COL4A5: variants seen among roughly 807,000 people sequenced by gnomAD.
COL4A5 encodes collagen type IV alpha 5 chain, also known as collagen alpha-5(IV) chain.
In COL4A5, 26 loss-of-function variants were observed where a neutral mutation model predicts 130.2. That is an observed-to-expected ratio of 0.20 (90% confidence interval 0.15 to 0.28). COL4A5 has a LOEUF of 0.28. COL4A5 is among the 10% of genes least tolerant of loss of function. The probability of loss-of-function intolerance (pLI) is 1.00; values close to 1 mark genes in which losing one functional copy is unlikely to be tolerated. For synonymous variants in COL4A5, 496 were observed against 439.6 expected, an observed-to-expected ratio of 1.13 and a Z score of -1.60; for missense variants, 1,131 against 1,344.3, an observed-to-expected ratio of 0.84 and a Z score of 2.48.
intron 24 of COL4A5, among the ~76,000 whole-genome samples, chrX:108,598,261 G>T (rs2066557145): frequency 9.0e-6 from 1 of 111,469 alleles, no homozygotes; most frequent in Admixed American, 9.5e-5. Context: ...TATATATATA[G>T]TAAGCTTAGA....
At chrX:108,631,703 A>C (rs1377864196) in intron 36 of COL4A5, among the ~76,000 whole-genome samples, 1 of 111,786 alleles carries the variant, frequency 8.9e-6, no homozygotes, top group Non-Finnish European at 1.9e-5. Flanking sequence ...GACTACATGG[A>C]AACTGAACAA....
chrX:108,517,442 T>G (rs2065230062), intron 1 of COL4A5, among the ~76,000 whole-genome samples: 1 of 111,967 alleles, frequency 8.9e-6, no homozygotes, highest in Non-Finnish European at 1.9e-5. Flanking sequence ...AATCCATTAC[T>G]CATTTGAGTT....
chrX:108,643,910 A>C, intron 36 of COL4A5, among the ~76,000 whole-genome samples: 1 of 112,086 alleles, frequency 8.9e-6, no homozygotes, highest in African/African-American at 3.2e-5. Flanking sequence ...ATTGAGTGTA[A>C]ATGGCCTAAA....
At chrX:108,467,792 T>C (rs2064722063) in intron 1 of COL4A5, among the ~76,000 whole-genome samples, 1 of 112,007 alleles carries the variant, frequency 8.9e-6, no homozygotes, top group Non-Finnish European at 1.9e-5. Flanking sequence ...TAATTTCCTT[T>C]GTAGATTGTT....
At chrX:108,587,655 C>T (rs1020366420) in intron 19 of COL4A5, among the ~76,000 whole-genome samples, 2 of 111,422 alleles carry the variant, frequency 1.8e-5, no homozygotes, top group African/African-American at 6.5e-5. Flanking sequence ...ATTGTTGGAA[C>T]ATATGGTAGT....
chrX:108,636,938 TC>T (rs2067364296), intron 36 of COL4A5, among the ~76,000 whole-genome samples: 1 of 100,653 alleles, frequency 9.9e-6, no homozygotes, highest in Non-Finnish European at 1.9e-5. Context: ...AAATGTAATG[TC>T]TTTTTTTTTT....
At chrX:108,552,508 T>C (rs1326725184) in intron 2 of COL4A5, among the ~76,000 whole-genome samples, 1 of 112,014 alleles carries the variant, frequency 8.9e-6, no homozygotes, top group Non-Finnish European at 1.9e-5. Context: ...TGAAAAGTAG[T>C]AAATTGGAAT....
At chrX:108,581,105 A>G in intron 16 of COL4A5, 78 bp downstream of exon 16, 1 of 858,723 alleles carries the variant, frequency 1.2e-6, no homozygotes, top group Non-Finnish European at 1.7e-6. Flanking sequence ...GCAGAGAAGC[A>G]GTATGACAAA....
intron 42 of COL4A5, among the ~76,000 whole-genome samples, chrX:108,671,067 G>A (rs2068196390): frequency 9.0e-6 from 1 of 110,743 alleles, no homozygotes; most frequent in African/African-American, 3.3e-5. Context: ...AACCAGCACA[G>A]ATTACGAGGT....
chrX:108,687,733 G>A (rs1158711961), intron 49 of COL4A5, 39 bp downstream of exon 49: 10 of 1,161,716 alleles, frequency 8.6e-6, no homozygotes, highest in Non-Finnish European at 1.2e-5. Flanking sequence ...TGTGCCTTTT[G>A]TTTTTGTTTC....
intron 49 of COL4A5, among the ~76,000 whole-genome samples, chrX:108,691,486 A>G (rs2068639065): frequency 9.0e-6 from 1 of 110,890 alleles, no homozygotes; most frequent in Admixed American, 9.7e-5. Flanking sequence ...TTTTTTTGTA[A>G]TAATTATATA....
intron 51 of COL4A5, 125 bp from the exon 52 acceptor site, chrX:108,695,142 T>A (rs1467168658): frequency 1.6e-4 from 147 of 894,228 alleles, no homozygotes; most frequent in Non-Finnish European, 9.8e-6. Context: ...GATACTATTG[T>A]CTTACCTCTG....
At chrX:108,516,278 C>T (rs2065219906) in intron 1 of COL4A5, among the ~76,000 whole-genome samples, 1 of 112,133 alleles carries the variant, frequency 8.9e-6, no homozygotes, top group Non-Finnish European at 1.9e-5. Context: ...AAATGCACTT[C>T]GAACACAGGT....
At chrX:108,467,673 C>T (rs1353721079) in intron 1 of COL4A5, among the ~76,000 whole-genome samples, 2 of 111,428 alleles carry the variant, frequency 1.8e-5, no homozygotes, top group African/African-American at 6.5e-5. Context: ...TAATTTCTTT[C>T]CTCATTGTTT....
rs777215640 is a variant in COL4A5, at chrX:108,687,503, C to A, written c.4337C>A (p.Pro1446His). ...GQPGTRGLDGPPGPDGLQGPP... is the reference protein window; with the variant it reads ...GQPGTRGLDGHPGPDGLQGPP... ...ATAGGTACCCGTGGTTTGGATGGTC[C>A]CCCTGGTCCAGATGGATTGCAAGGT... Residue 1446 changes from proline (P) to histidine (H), a missense_variant, in exon 49 of 53, where the codon CCC becomes CAC. Pro to His is a moderately conservative substitution (Grantham distance 77). Coordinates refer to ENST00000328300, the MANE Select transcript of COL4A5 (RefSeq NM_033380.3). 1 of 1,210,908 alleles carries A rather than the reference C, an allele frequency of 8.3e-7. No homozygotes were observed. Among genetic ancestry groups the A allele is most frequent in the Admixed American group, 2.2e-5 (1 of 45,977 alleles).
At chrX:108,470,413 T>G (rs919524244) in intron 1 of COL4A5, among the ~76,000 whole-genome samples, 2 of 112,463 alleles carry the variant, frequency 1.8e-5, no homozygotes, top group Admixed American at 1.9e-4. Context: ...GTTGAGCATT[T>G]TTTCATATAT....
chrX:108,670,582 A>G, intron 42 of COL4A5: 1 of 334,784 alleles, frequency 3.0e-6, no homozygotes. Flanking sequence ...ATGCAAACGA[A>G]TTGAACTATC....
At chrX:108,524,305 T>G (rs766326636) in intron 1 of COL4A5, among the ~76,000 whole-genome samples, 2 of 111,012 alleles carry the variant, frequency 1.8e-5, no homozygotes, top group South Asian at 7.8e-4. Flanking sequence ...AGCTGTGGGT[T>G]TTTTGTAGAT....
chrX:108,491,152 G>T (rs368082838), intron 1 of COL4A5, among the ~76,000 whole-genome samples: 1 of 111,681 alleles, frequency 9.0e-6, no homozygotes, highest in East Asian at 2.8e-4. Context: ...ACTCATGAAA[G>T]TGTCTTGGAG....
Sources: allele counts gnomAD v4.1 joint callset (sites outside exome capture counted in the v4.1 genomes callset), GRCh38; gene constraint gnomAD v4.1.1; transcripts MANE v1.5; gene names NCBI Gene and HGNC (gene_info 2026-07-23, HGNC 2026-07-21).